The following ANKRD36 variants were observed in gnomAD, a reference collection of about 807,000 sequenced individuals.
ANKRD36 encodes ankyrin repeat domain 36, also known as ankyrin repeat domain-containing protein 36A.
ANKRD36 carries 179 observed loss-of-function variants against 278.1 expected under a neutral mutation model. The ratio of observed to expected loss-of-function variants is 0.64; its 90% confidence interval spans 0.57 to 0.73. The LOEUF (loss-of-function observed/expected upper bound fraction) is 0.73. Among genes scored for constraint, ANKRD36 ranks in the 30% least tolerant of loss-of-function variants. The probability of loss-of-function intolerance (pLI) is 0.00; values close to 1 mark genes in which losing one functional copy is unlikely to be tolerated. For synonymous variants in ANKRD36, 320 were observed against 641.1 expected (o/e 0.50, Z 7.57); for missense variants, 1,159 against 1,956.7 (o/e 0.59, Z 7.69).
Position 97,202,376 on chromosome 2 carries a change from G to A in ANKRD36, c.2942G>A (p.Gly981Glu). The A allele has an allele frequency of 6.4e-7, 1 of 1,554,412 alleles. No individual in the cohort carries two copies. Among genetic ancestry groups the A allele is most frequent in the Non-Finnish European group, 8.7e-7 (1 of 1,152,182 alleles). Residue 981 changes from glycine to glutamate, a missense_variant, in exon 48 of 76, where the codon GGA (glycine) becomes GAA (glutamate). Coordinates refer to ENST00000420699, the MANE Select transcript of ANKRD36 (RefSeq NM_001354587.1). ...GGTATAGCCAGAGAAAACAAGGATGGAGAAAAATCTAGGACAGGTAATTTT... is the reference window on the plus strand; with the variant it reads ...GGTATAGCCAGAGAAAACAAGGATGAAGAAAAATCTAGGACAGGTAATTTT... ...VLGIARENKDGEKSRTVSSEK... is the reference protein window; with the variant it reads ...VLGIARENKDEEKSRTVSSEK...
At position 97,206,047 on chromosome 2, in the gene ANKRD36, T is replaced by A. The variant is rs1389701853; in HGVS notation, c.3091-16T>A. The A allele has an allele frequency of 6.5e-7, 1 of 1,548,166 alleles. No individual in the cohort carries two copies. ...ATACTTTATTTATTTATTATTTTGT[T>A]TCAAATTCCATTCAGGCTACAAGTG... is the stretch of plus-strand genomic sequence containing the variant. On this transcript the variant is annotated splice_polypyrimidine_tract_variant and intron_variant, in intron 51 of 75. Coordinates refer to ENST00000420699, the MANE Select transcript of ANKRD36 (RefSeq NM_001354587.1).
intron 38 of ANKRD36, among the ~76,000 whole-genome samples, chr2:97,193,785 A>G (rs2059066958): frequency 6.6e-6 from 1 of 151,626 alleles, no homozygotes; most frequent in Admixed American, 6.6e-5. Flanking sequence ...ATGTGAATAA[A>G]TTTTGCTTCC....
intron 22 of ANKRD36, among the ~76,000 whole-genome samples, chr2:97,176,793 C>T: frequency 6.6e-6 from 1 of 151,608 alleles, no homozygotes; most frequent in Admixed American, 6.6e-5. Flanking sequence ...TTAGCGCTTC[C>T]TTCAGGAGCT....
At chr2:97,204,490 T>C (rs183784255) in intron 50 of ANKRD36, among the ~76,000 whole-genome samples, 1 of 151,504 alleles carries the variant, frequency 6.6e-6, no homozygotes, top group East Asian at 2.0e-4. Context: ...GAAGAAGAAA[T>C]ATGGAGAGCA....
chr2:97,211,511 CAT>C (rs758679400), intron 56 of ANKRD36, 33 bp from the exon 57 acceptor site: 1 of 1,596,446 alleles, frequency 6.3e-7, no homozygotes, highest in African/African-American at 1.3e-5. Flanking sequence ...ATCATATTTA[CAT>C]ATGAGTGATT....
At position 97,149,446 on chromosome 2, in the gene ANKRD36, A is replaced by G; in HGVS notation, c.1101+85A>G. ...TTCTTCTAAAACTTAGCAGTTGTCT[A>G]CCTATCATTGTTTTATGTTACTATT... On this transcript the variant is annotated intron_variant, in intron 12 of 75. Coordinates refer to ENST00000420699, the MANE Select transcript of ANKRD36 (RefSeq NM_001354587.1). 3.5e-6 allele frequency: 4 copies of G among 1,148,624 alleles called. No individual in the cohort carries two copies. In the South Asian group the frequency reaches 6.3e-5, roughly 18 times the overall value. The allele number at this position is 1,148,624 out of a possible 1,614,324, so 71.2% of individuals were successfully genotyped here.
chr2:97,233,658 C>T (rs1331038535), intron 67 of ANKRD36, 72 bp from the exon 68 acceptor site: 4 of 1,553,026 alleles, frequency 2.6e-6, no homozygotes, highest in Middle Eastern at 2.3e-4. Context: ...TGGGCAATTC[C>T]CACTTCTGTA....
rs186413322 is a variant in ANKRD36 at position 97,193,723 on chromosome 2, A to G, written c.2449+670A>G. 2.6e-5 allele frequency among the ~76,000 whole-genome samples: 4 copies of G among 151,830 alleles called. No homozygotes were observed. The East Asian group carries it at 7.8e-4, about 30-fold the overall frequency. On this transcript the variant is annotated intron_variant, in intron 38 of 75. Transcript: ENST00000420699. ...CATTACTCCTCTGTTACTATTAGGCATCAGAGATACATGTTTTGTTGATTT... is the reference window on the plus strand; with the variant it reads ...CATTACTCCTCTGTTACTATTAGGCGTCAGAGATACATGTTTTGTTGATTT...
In ANKRD36 at chr2:97,146,506, T is replaced by C; in HGVS notation, c.1024T>C (p.Cys342Arg). The change falls in exon 11 of 76, where the codon TGT (cysteine) becomes CGT (arginine). Residue 342 changes from cysteine to arginine, a missense_variant. Coordinates refer to ENST00000420699, the MANE Select transcript of ANKRD36 (RefSeq NM_001354587.1). ...SGTVLPAVEQ[C>R]LNRSLYRPDA... ...AATAGTGCTTCCTGCTGTTGAACAG[T>C]GTTTAAACAGGTATGATTTTACAGA... The C allele has an allele frequency of 3.3e-6, 5 of 1,520,572 alleles. No homozygotes were observed. The highest frequency in any genetic ancestry group is 4.4e-6 in the Non-Finnish European group (5 of 1,137,700). 94.2% of individuals were successfully genotyped at this position (1,520,572 alleles called of 1,614,324 possible). A position where few individuals can be genotyped will look rare whatever the true frequency, so the allele number is the denominator to read the frequency against.
At position 97,183,665 on chromosome 2, in the gene ANKRD36, A is replaced by G. The variant is rs1488920978; in HGVS notation, c.1939+11A>G. On this transcript the variant is annotated intron_variant, in intron 28 of 75. Transcript: ENST00000420699. ...GGAAATCTGGAACAGGTAATTTGGC[A>G]ATACACATTTAATGTCATGTGCACT... The G allele has an allele frequency of 1.3e-6, 2 of 1,566,770 alleles. No homozygotes were observed. The highest frequency in any genetic ancestry group is 1.9e-5 in the Admixed American group (1 of 54,048).
chr2:97,190,924 A>G lies in ANKRD36; in HGVS notation c.2246-54A>G, dbSNP rs182747370. ...ATGCTAACACTGTGTGAATGTATGGATAACTTTATCATGTTTATATATGAG... is the reference window on the plus strand; with the variant it reads ...ATGCTAACACTGTGTGAATGTATGGGTAACTTTATCATGTTTATATATGAG... On this transcript the variant is annotated intron_variant, in intron 34 of 75. Transcript: ENST00000420699. 496 of 1,591,540 alleles carry G rather than the reference A, an allele frequency of 3.1e-4. 4 individuals are homozygous for G. The highest frequency in any genetic ancestry group is 9.0e-4 in the Admixed American group (53 of 58,948).
intron 66 of ANKRD36, among the ~76,000 whole-genome samples, 196 bp from the exon 67 acceptor site, chr2:97,224,610 C>A (rs1343807130): frequency 6.6e-6 from 1 of 152,126 alleles, no homozygotes; most frequent in African/African-American, 2.4e-5. Flanking sequence ...CCACCACGCC[C>A]AGCTAATTTT....
At chr2:97,220,189 T>C (rs537773260) in intron 66 of ANKRD36, among the ~76,000 whole-genome samples, 211 of 148,856 alleles carry the variant, frequency 1.4e-3, no homozygotes, top group South Asian at 0.011. Context: ...AATAATGACA[T>C]CATGGTTAAT....
chr2:97,121,338 C>T (rs1574519889), intron 3 of ANKRD36, among the ~76,000 whole-genome samples: 2 of 152,154 alleles, frequency 1.3e-5, no homozygotes, highest in East Asian at 3.9e-4. Context: ...TCAGCATTGC[C>T]TCCTAAAAAT....
intron 10 of ANKRD36, among the ~76,000 whole-genome samples, chr2:97,144,980 A>T (rs776094783): frequency 6.6e-6 from 1 of 152,010 alleles, no homozygotes; most frequent in Non-Finnish European, 1.5e-5. Flanking sequence ...AGGGGACAGC[A>T]TAATTTTGCT....
chr2:97,186,744 A>G (rs1372260414), intron 30 of ANKRD36, among the ~76,000 whole-genome samples: 1 of 151,898 alleles, frequency 6.6e-6, no homozygotes, highest in Non-Finnish European at 1.5e-5. Context: ...GTAATTGTGT[A>G]CCTTCTCAGT....
chr2:97,140,132 C>T (rs1360715684), intron 6 of ANKRD36, among the ~76,000 whole-genome samples: 1 of 151,554 alleles, frequency 6.6e-6, no homozygotes, highest in African/African-American at 2.4e-5. Context: ...TCTCATGGCA[C>T]TCTGCTCTTC....
chr2:97,206,818 C>G (rs2062984550), intron 52 of ANKRD36, among the ~76,000 whole-genome samples: 1 of 151,506 alleles, frequency 6.6e-6, no homozygotes, highest in African/African-American at 2.4e-5. Flanking sequence ...ATCAGAGATA[C>G]ATGTTTTGTT....
chr2:97,209,762 G>T, intron 55 of ANKRD36, 38 bp from the exon 56 acceptor site: 1 of 1,530,410 alleles, frequency 6.5e-7, no homozygotes, highest in Non-Finnish European at 8.7e-7. Flanking sequence ...GCCTATGAAA[G>T]ATACCTTACT....
Sources: allele counts gnomAD v4.1 joint callset (sites outside exome capture counted in the v4.1 genomes callset), GRCh38; gene constraint gnomAD v4.1.1; transcripts MANE v1.5; gene names NCBI Gene and HGNC (gene_info 2026-07-23, HGNC 2026-07-21).